The following RAVER2 variants were observed in gnomAD, a reference collection of about 807,000 sequenced individuals.
The protein encoded by RAVER2 is ribonucleoprotein, PTB binding 2, also known as ribonucleoprotein PTB-binding 2.
In RAVER2, 46 loss-of-function variants were observed where a neutral mutation model predicts 78.1. The observed-to-expected ratio is 0.59, with a 90% confidence interval of 0.46 to 0.75. RAVER2 has a LOEUF of 0.75. RAVER2 is among the 30% of genes least tolerant of loss of function. The probability of loss-of-function intolerance (pLI) is 0.00; values close to 1 mark genes in which losing one functional copy is unlikely to be tolerated. For missense variants in RAVER2, 793 were observed against 837.5 expected, an observed-to-expected ratio of 0.95 and a Z score of 0.66; for synonymous variants, 311 against 313.3, an observed-to-expected ratio of 0.99 and a Z score of 0.08.
chr1:64,825,306 T>G (rs1371949100), intron 11 of RAVER2, among the ~76,000 whole-genome samples: 1 of 152,218 alleles, frequency 6.6e-6, no homozygotes, highest in African/African-American at 2.4e-5. Context: ...CATTAGGGGC[T>G]TGATTCAGAT....
chr1:64,789,492 A>T (rs774406998), exon 5 of RAVER2: 2 of 1,607,084 alleles, frequency 1.2e-6, no homozygotes, highest in Non-Finnish European at 1.7e-6. Context: ...AGCCCCAGTT[A>T]TGTGGACGAG....
intron 3 of RAVER2, among the ~76,000 whole-genome samples, chr1:64,779,991 C>T (rs1005543409): frequency 3.3e-5 from 5 of 151,466 alleles, no homozygotes; most frequent in South Asian, 2.1e-4. Context: ...CTACTGATGC[C>T]GTGGACTTAA....
At chr1:64,795,469 G>T (rs964367426) in intron 5 of RAVER2, among the ~76,000 whole-genome samples, 5 of 151,966 alleles carry the variant, frequency 3.3e-5, no homozygotes, top group Non-Finnish European at 7.4e-5. Context: ...TTATTTTGAG[G>T]TCATATTTAA....
At chr1:64,787,865 ATCT>A (rs1415927286) in intron 4 of RAVER2, among the ~76,000 whole-genome samples, 1 of 152,098 alleles carries the variant, frequency 6.6e-6, no homozygotes, top group East Asian at 1.9e-4. Context: ...TTACCTTCAC[ATCT>A]TCTATCTCCC....
chr1:64,817,027 A>C (rs1653772346), intron 11 of RAVER2, among the ~76,000 whole-genome samples: 1 of 152,218 alleles, frequency 6.6e-6, no homozygotes, highest in South Asian at 2.1e-4. Flanking sequence ...TAATACCCAG[A>C]ATCTACAAAG....
intron 5 of RAVER2, among the ~76,000 whole-genome samples, chr1:64,795,726 A>T (rs762103359): frequency 6.6e-5 from 10 of 152,088 alleles, no homozygotes; most frequent in Admixed American, 6.5e-5. Flanking sequence ...TTCTATGTAG[A>T]TGATTATGTT....
At chr1:64,775,595 G>T (rs1334223441) in intron 2 of RAVER2, among the ~76,000 whole-genome samples, 1 of 152,220 alleles carries the variant, frequency 6.6e-6, no homozygotes, top group South Asian at 2.1e-4. Context: ...GTTACTGTGT[G>T]TGACTCTGCC....
chr1:64,797,415 T>C lies in RAVER2; in HGVS notation c.1106-5561T>C, dbSNP rs78768555. On this transcript the variant is annotated intron_variant, in intron 5 of 11. Coordinates refer to ENST00000294428, the Ensembl canonical transcript of RAVER2. ...CTGATTGTTGTTTCTGTTGTTGTTA[T>C]AAACTGGAAGGTACTGTGTTCAGTA... Among the ~76,000 whole-genome samples, 872 of 152,358 alleles carry C rather than the reference T, an allele frequency of 5.7e-3. 10 individuals carry two copies. Among genetic ancestry groups the C allele is most frequent in the African/African-American group, 0.019 (809 of 41,584 alleles).
At chr1:64,758,484 G>T (rs1262860082) in intron 1 of RAVER2, among the ~76,000 whole-genome samples, 1 of 152,164 alleles carries the variant, frequency 6.6e-6, no homozygotes, top group East Asian at 1.9e-4. Context: ...TTCGAGGATT[G>T]AAGCACAAGA....
chr1:64,828,328 C>A (rs1382471865), intron 11 of RAVER2, among the ~76,000 whole-genome samples: 1 of 152,114 alleles, frequency 6.6e-6, no homozygotes, highest in Non-Finnish European at 1.5e-5. Context: ...TTCATTCATC[C>A]AGGTAAACCT....
At chr1:64,800,329 T>C (rs1053763008) in intron 5 of RAVER2, among the ~76,000 whole-genome samples, 1 of 152,216 alleles carries the variant, frequency 6.6e-6, no homozygotes, top group Non-Finnish European at 1.5e-5. Flanking sequence ...TTGTTGCCTG[T>C]GCTTGTGAAG....
intron 1 of RAVER2, among the ~76,000 whole-genome samples, chr1:64,756,805 A>G (rs910938946): frequency 1.3e-5 from 2 of 152,096 alleles, no homozygotes; most frequent in Non-Finnish European, 2.9e-5. Flanking sequence ...ACAGTTTCTC[A>G]GTCTTTTCTT....
chr1:64,821,593 AAT>A (rs1382758602), intron 11 of RAVER2, among the ~76,000 whole-genome samples: 2 of 152,228 alleles, frequency 1.3e-5, no homozygotes, highest in Non-Finnish European at 2.9e-5. Context: ...AATGGAACAG[AAT>A]AGAGAGCCCA....
intron 11 of RAVER2, among the ~76,000 whole-genome samples, chr1:64,824,464 G>T (rs1043361004): frequency 6.6e-6 from 1 of 152,124 alleles, no homozygotes; most frequent in African/African-American, 2.4e-5. Context: ...TGATAGATCC[G>T]AATCGTGTGA....
intron 8 of RAVER2, 114 bp downstream of exon 8, chr1:64,805,219 G>T: frequency 1.0e-6 from 1 of 976,940 alleles, no homozygotes; most frequent in Non-Finnish European, 1.5e-6. Flanking sequence ...GTTTTATTTA[G>T]TCATTTAAAA....
intron 11 of RAVER2, among the ~76,000 whole-genome samples, chr1:64,825,638 T>TA (rs1376102116): frequency 6.6e-6 from 1 of 152,204 alleles, no homozygotes; most frequent in East Asian, 1.9e-4. Flanking sequence ...CCCCAATTCT[T>TA]ACGATGGCTT....
At chr1:64,785,677 C>T (rs967280976) in intron 4 of RAVER2, among the ~76,000 whole-genome samples, 1 of 151,866 alleles carries the variant, frequency 6.6e-6, no homozygotes, top group African/African-American at 2.4e-5. Context: ...CCAATTGTCC[C>T]TAACTTTTTA....
chr1:64,825,204 A>T lies in RAVER2; in HGVS notation c.1930-5635A>T, dbSNP rs573868472. On this transcript the variant is annotated intron_variant, in intron 11 of 11. Coordinates refer to ENST00000294428, the Ensembl canonical transcript of RAVER2. Reference sequence around the variant, plus strand: ...AAGTTATATTTTTAAATAAAAATTTAAAAATGTTTAATGCAGAAATAATGA... The same window carrying T: ...AAGTTATATTTTTAAATAAAAATTTTAAAATGTTTAATGCAGAAATAATGA... Among the ~76,000 whole-genome samples the T allele has an allele frequency of 2.6e-5, 4 of 152,282 alleles. No individual in the cohort carries two copies. In the East Asian group the frequency reaches 5.8e-4, roughly 22 times the overall value.
intron 5 of RAVER2, among the ~76,000 whole-genome samples, chr1:64,796,231 A>G (rs1414031315): frequency 6.6e-6 from 1 of 151,950 alleles, no homozygotes; most frequent in Non-Finnish European, 1.5e-5. Context: ...TATGAGGTAT[A>G]TTGGTCTGTA....
Sources: allele counts gnomAD v4.1 joint callset (sites outside exome capture counted in the v4.1 genomes callset), GRCh38; gene constraint gnomAD v4.1.1; transcripts MANE v1.5; gene names NCBI Gene and HGNC (gene_info 2026-07-23, HGNC 2026-07-21).